Variants in CLMN observed in about 807,000 individuals in gnomAD.
CLMN encodes calmin (calponin-like, transmembrane).
CLMN carries 57 observed loss-of-function variants against 92.7 expected under a neutral mutation model. The ratio of observed to expected loss-of-function variants is 0.61; its 90% CI spans 0.50 to 0.77. The LOEUF (loss-of-function observed/expected upper bound fraction) is 0.77. Ranked by LOEUF, CLMN falls within the 30% of genes least tolerant of loss-of-function variation. The pLI, the probability that CLMN is intolerant of heterozygous loss-of-function variation, is 0.00. For missense variants in CLMN, 1,158 were observed against 1,237.5 expected (o/e 0.94, Z 0.96); for synonymous variants, 466 against 470.6 (o/e 0.99, Z 0.13).
intron 1 of CLMN, among the ~76,000 whole-genome samples, chr14:95,289,657 A>G (rs930453886): frequency 6.6e-6 from 1 of 152,134 alleles, no homozygotes; most frequent in African/African-American, 2.4e-5. Context: ...CAAACCAGGG[A>G]AAAGAAGCAA....
At position 95,256,553 on chromosome 14, in the gene CLMN, C is replaced by T. The variant is rs1238538611; in HGVS notation, c.83-26420G>A. Among the ~76,000 whole-genome samples the T allele has an allele frequency of 1.3e-5, 2 of 152,190 alleles. No individual in the cohort carries two copies. The highest frequency in any genetic ancestry group is 2.9e-5 in the Non-Finnish European group (2 of 68,036). ...GCTGGGCCCACGGCAGGGTAACTGC[C>T]ACCAGCTTGCTGAGTGTGGCTCTGC... On this transcript the variant is annotated intron_variant, in intron 1 of 12. Transcript: ENST00000298912. The surrounding 1 kb of genome is among the most constrained non-coding windows in gnomAD (Gnocchi z 4.9).
chr14:95,280,460 T>A (rs759379353), intron 1 of CLMN, among the ~76,000 whole-genome samples: 13 of 152,238 alleles, frequency 8.5e-5, no homozygotes, highest in Non-Finnish European at 1.3e-4. Context: ...TTTAGAAAGC[T>A]AAGTCTTCCC....
intron 1 of CLMN, among the ~76,000 whole-genome samples, chr14:95,234,833 G>C (rs980107934): frequency 2.6e-5 from 4 of 152,248 alleles, no homozygotes; most frequent in Non-Finnish European, 5.9e-5. Context: ...GCTGGCTCAG[G>C]AGTTCAGAGT....
At chr14:95,267,721 T>A (rs1899531952) in intron 1 of CLMN, among the ~76,000 whole-genome samples, 1 of 152,164 alleles carries the variant, frequency 6.6e-6, no homozygotes, top group Non-Finnish European at 1.5e-5. Flanking sequence ...ATCTACACTC[T>A]CATATTTATT....
At chr14:95,269,302 T>TATG (rs2140717732) in intron 1 of CLMN, among the ~76,000 whole-genome samples, 1 of 152,366 alleles carries the variant, frequency 6.6e-6, no homozygotes, top group East Asian at 1.9e-4. Flanking sequence ...TTCTACTGTG[T>TATG]TATATATGAA....
chr14:95,268,611 A>C (rs1224626856), intron 1 of CLMN, among the ~76,000 whole-genome samples: 1 of 152,046 alleles, frequency 6.6e-6, no homozygotes, highest in African/African-American at 2.4e-5. Flanking sequence ...ATAGGTGCTA[A>C]GATTTCCTAG....
chr14:95,249,631 G>T (rs1025364692), intron 1 of CLMN, among the ~76,000 whole-genome samples: 1 of 150,926 alleles, frequency 6.6e-6, no homozygotes, highest in African/African-American at 2.4e-5. Flanking sequence ...TCCCTCTGTC[G>T]CCCAGGCTGG....
At chr14:95,275,512 G>A (rs929171089) in intron 1 of CLMN, among the ~76,000 whole-genome samples, 5 of 152,154 alleles carry the variant, frequency 3.3e-5, no homozygotes, top group Non-Finnish European at 7.4e-5. Flanking sequence ...CTAAAAAGGG[G>A]AGGAAAACTC....
intron 1 of CLMN, among the ~76,000 whole-genome samples, chr14:95,267,763 A>G (rs962007299): frequency 3.2e-4 from 48 of 152,250 alleles, no homozygotes; most frequent in African/African-American, 1.1e-3. Flanking sequence ...AAAATATGGA[A>G]TCAACCTACG....
intron 1 of CLMN, among the ~76,000 whole-genome samples, chr14:95,288,631 G>A (rs973416623): frequency 6.6e-6 from 1 of 152,178 alleles, no homozygotes; most frequent in African/African-American, 2.4e-5. Flanking sequence ...GTAAATTGGT[G>A]CCACTTTCAA....
At chr14:95,293,390 T>TTCCC (rs1450713148) in intron 1 of CLMN, among the ~76,000 whole-genome samples, 1 of 116,728 alleles carries the variant, frequency 8.6e-6, no homozygotes, top group Non-Finnish European at 1.8e-5. Flanking sequence ...CCCTCCTTCC[T>TTCCC]TCCCTCCCTC....
rs1555385616 is a variant in CLMN at position 95,203,217 on chromosome 14, T to C, written c.2132A>G (p.Lys711Arg). The C allele has an allele frequency of 6.2e-7, 1 of 1,613,784 alleles. No individual in the cohort carries two copies. The highest frequency in any genetic ancestry group is 8.5e-7 in the Non-Finnish European group (1 of 1,180,038). ...AACCTTTGAGAGGGGTGGGGAGGGC[T>C]TGAAATCCAGGCCTTCTTCGCTGTG... ...GSHSEEGLDF[K>R]PSPPLSKVSV... is the part of the protein sequence containing the mutation. The change falls in exon 9 of 13, where the codon AAG becomes AGG. Residue 711 changes from lysine to arginine, a missense_variant. Transcript: ENST00000298912.
intron 3 of CLMN, chr14:95,222,707 A>C: frequency 2.4e-6 from 1 of 424,042 alleles, no homozygotes; most frequent in Non-Finnish European, 4.7e-6. Context: ...GCCTCTAAGA[A>C]ACCAAATACT....
chr14:95,217,099 C>T (rs1595580596), intron 4 of CLMN, among the ~76,000 whole-genome samples: 2 of 152,296 alleles, frequency 1.3e-5, no homozygotes, highest in South Asian at 4.2e-4. Context: ...GTGTCTGCCA[C>T]ACATTTTTCT....
At chr14:95,280,186 T>C (rs923430770) in intron 1 of CLMN, among the ~76,000 whole-genome samples, 1 of 152,182 alleles carries the variant, frequency 6.6e-6, no homozygotes, top group East Asian at 1.9e-4. Context: ...TCTTAGACCA[T>C]TGGTCTGTGC....
intron 9 of CLMN, among the ~76,000 whole-genome samples, chr14:95,201,811 TAAGTGAGGAC>T (rs1473554169): frequency 6.6e-6 from 1 of 152,036 alleles, no homozygotes; most frequent in East Asian, 1.9e-4. Flanking sequence ...CTCCCATTTA[TAAGTGAGGAC>T]AAGCGGTGTT....
intron 1 of CLMN, among the ~76,000 whole-genome samples, chr14:95,247,736 C>T (rs940134468): frequency 1.3e-5 from 2 of 152,124 alleles, no homozygotes; most frequent in African/African-American, 4.8e-5. Context: ...TGAATCCATT[C>T]CTTGGAAATT....
Position 95,203,053 on chromosome 14 carries a change from C to G in CLMN, c.2296G>C (p.Asp766His), listed in dbSNP as rs569026666. ...GCCTCCTCCTCCCTGGAGTCCAGGT[C>G]TGGCATATAGCCCTCTGGCTCTTCG... ...DLEEPEGYMP[D>H]LDSREEEADG... Residue 766 changes from aspartate (D) to histidine (H), a missense_variant, in exon 9 of 13, where the codon GAC (aspartate) becomes CAC (histidine). Asp to His is a moderately conservative substitution (Grantham distance 81). Transcript: ENST00000298912. 6.2e-7 allele frequency: 1 copy of G among 1,614,138 alleles called. No homozygotes were observed. Among genetic ancestry groups the G allele is most frequent in the South Asian group, 1.1e-5 (1 of 91,082 alleles).
intron 1 of CLMN, among the ~76,000 whole-genome samples, chr14:95,289,466 AAAATAAATAAATAAAT>A (rs749536553): frequency 1.2e-3 from 167 of 139,586 alleles, no homozygotes; most frequent in African/African-American, 4.2e-3. Flanking sequence ...TCTGTCTCAA[AAAATAAATAAATAAAT>A]AAATAAATAA....
Sources: gnomAD v4.1 joint callset for allele counts (sites outside exome capture counted in the v4.1 genomes callset) on GRCh38, gnomAD v4.1.1 for gene constraint, Gnocchi (gnomAD v3.1) non-coding constraint, MANE v1.5 for transcripts, NCBI Gene and HGNC (gene_info 2026-07-23, HGNC 2026-07-21) for gene names.